RHOJ: variants seen among roughly 807,000 people sequenced by gnomAD.
The protein encoded by RHOJ is rho-related GTP-binding protein RhoJ.
In RHOJ, 11 loss-of-function variants were observed where a neutral mutation model predicts 23.4. That is an observed-to-expected ratio of 0.47 (90% confidence interval 0.30 to 0.78). The LOEUF (loss-of-function observed/expected upper bound fraction) is 0.78, where lower values mean the gene tolerates loss of function less well. RHOJ is among the 30% of genes least tolerant of loss of function. The pLI is 0.08. For synonymous variants in RHOJ, 102 were observed against 102.7 expected (o/e 0.99, Z 0.04); for missense variants, 254 against 273.4 (o/e 0.93, Z 0.50).
chr14:63,265,493 T>C (rs1460458616), intron 1 of RHOJ, among the ~76,000 whole-genome samples: 4 of 152,244 alleles, frequency 2.6e-5, no homozygotes, highest in Non-Finnish European at 4.4e-5. Flanking sequence ...TAGAATTGCT[T>C]TAGCTATTCA....
At position 63,291,172 on chromosome 14, in the gene RHOJ, C is replaced by T. The variant is rs1410545702; in HGVS notation, c.*148C>T. ...CCCATCACCCTCTGAGCCCTCCCAACACAGCACACTAGTCAGCCCACTGCC... is the reference window on the plus strand; with the variant it reads ...CCCATCACCCTCTGAGCCCTCCCAATACAGCACACTAGTCAGCCCACTGCC... On this transcript the variant is annotated 3_prime_UTR_variant, in exon 5 of 5. Coordinates refer to ENST00000316754, the MANE Select transcript of RHOJ (RefSeq NM_020663.5). 1 of 854,920 alleles carries T rather than the reference C, an allele frequency of 1.2e-6. No individual in the cohort carries two copies. The highest frequency in any genetic ancestry group is 2.6e-5 in the East Asian group (1 of 38,134). 53.0% of individuals were successfully genotyped at this position (854,920 alleles called of 1,614,324 possible). A position where few individuals can be genotyped will look rare whatever the true frequency, so the allele number is the denominator to read the frequency against.
In RHOJ at chr14:63,245,689, C is replaced by A. The variant is rs79334594; in HGVS notation, c.179-23421C>A. 6.6e-3 allele frequency among the ~76,000 whole-genome samples: 1,010 copies of A among 152,192 alleles called. 6 individuals are homozygous for A. Among genetic ancestry groups the A allele is most frequent in the Non-Finnish European group, 0.011 (719 of 67,996 alleles). Reference sequence around the variant, plus strand: ...AAAAAGGGGAGTGGAGGGGTTATAACTGTACAAATCTGATCTTAGACCAAT... The same window carrying A: ...AAAAAGGGGAGTGGAGGGGTTATAAATGTACAAATCTGATCTTAGACCAAT... On this transcript the variant is annotated intron_variant, in intron 1 of 4. Coordinates refer to ENST00000316754, the MANE Select transcript of RHOJ (RefSeq NM_020663.5).
intron 4 of RHOJ, among the ~76,000 whole-genome samples, chr14:63,285,803 C>CCAGGTGCTATGCT (rs1882064711): frequency 1.3e-5 from 2 of 152,170 alleles, no homozygotes; most frequent in Admixed American, 1.3e-4. Context: ...ATGCTGGATG[C>CCAGGTGCTATGCT]TACACTGTTT....
chr14:63,257,048 G>GGCAACAA (rs1239902177), intron 1 of RHOJ, among the ~76,000 whole-genome samples: 17 of 148,778 alleles, frequency 1.1e-4, no homozygotes, highest in Admixed American at 4.7e-4. Context: ...CTCCAGCCTG[G>GGCAACAA]GTGATAGAGC....
intron 1 of RHOJ, among the ~76,000 whole-genome samples, chr14:63,224,691 A>G (rs1342201890): frequency 1.3e-5 from 2 of 152,198 alleles, no homozygotes; most frequent in Non-Finnish European, 2.9e-5. Flanking sequence ...AATAATTAAT[A>G]AGCACAATGA....
At position 63,271,131 on chromosome 14, in the gene RHOJ, G is replaced by A. The variant is rs550274343; in HGVS notation, c.237+1963G>A. 1.6e-4 allele frequency among the ~76,000 whole-genome samples: 24 copies of A among 152,234 alleles called. No individual in the cohort carries two copies. In the East Asian group the frequency reaches 3.7e-3, roughly 23 times the overall value. On this transcript the variant is annotated intron_variant, in intron 2 of 4. Transcript: ENST00000316754. ...AAACCTCTGACACAAAAGCGATGAA[G>A]ACTGATAAAATATAACAAATAGATT...
intron 1 of RHOJ, among the ~76,000 whole-genome samples, chr14:63,231,652 A>T (rs1894697835): frequency 6.6e-6 from 1 of 152,202 alleles, no homozygotes; most frequent in South Asian, 2.1e-4. Flanking sequence ...ACTCTAAGCT[A>T]TTGTTTCTTC....
At chr14:63,276,964 G>A (rs1345809041) in intron 2 of RHOJ, among the ~76,000 whole-genome samples, 3 of 152,186 alleles carry the variant, frequency 2.0e-5, no homozygotes, top group African/African-American at 7.2e-5. Flanking sequence ...GTAATCTGAA[G>A]CAGATGCAGG....
rs377418631 is a variant in RHOJ, at chr14:63,271,688, G to A, written c.237+2520G>A. Among the ~76,000 whole-genome samples the A allele has an allele frequency of 1.0e-3, 158 of 152,318 alleles. 2 individuals are homozygous for A. The highest frequency in any genetic ancestry group is 8.9e-3 in the South Asian group (43 of 4,828). On this transcript the variant is annotated intron_variant, in intron 2 of 4. Coordinates refer to ENST00000316754, the MANE Select transcript of RHOJ (RefSeq NM_020663.5). Reference sequence around the variant, plus strand: ...TGGATCACTGCAACCTCCGCTTCCCGAGTTCAAGCAATTCTTCTGCCTCAT... The same window carrying A: ...TGGATCACTGCAACCTCCGCTTCCCAAGTTCAAGCAATTCTTCTGCCTCAT...
intron 1 of RHOJ, among the ~76,000 whole-genome samples, chr14:63,258,229 A>C (rs954510502): frequency 9.7e-6 from 1 of 103,390 alleles, no homozygotes; most frequent in African/African-American, 5.1e-5. Context: ...ACTCTGTCCC[A>C]AAAAAAAAAA....
chr14:63,254,055 G>A (rs1228547245), intron 1 of RHOJ, among the ~76,000 whole-genome samples: 2 of 152,134 alleles, frequency 1.3e-5, no homozygotes, highest in Non-Finnish European at 2.9e-5. Flanking sequence ...GGAGGTGGGG[G>A]TCAAGGTCTT....
intron 1 of RHOJ, among the ~76,000 whole-genome samples, chr14:63,253,754 C>A (rs1895113578): frequency 6.6e-6 from 1 of 152,216 alleles, no homozygotes. Context: ...CTGATCCTTG[C>A]AGCACAGTCT....
At chr14:63,227,959 A>G (rs1385772005) in intron 1 of RHOJ, among the ~76,000 whole-genome samples, 2 of 152,190 alleles carry the variant, frequency 1.3e-5, no homozygotes, top group African/African-American at 4.8e-5. Flanking sequence ...ACATCGGTAT[A>G]GGGTTTTGCT....
chr14:63,210,470 G>T (rs952212801), intron 1 of RHOJ, among the ~76,000 whole-genome samples: 2 of 152,148 alleles, frequency 1.3e-5, no homozygotes, highest in Non-Finnish European at 2.9e-5. Context: ...AGGTCTAAAG[G>T]GTAGGAGCAG....
At chr14:63,236,770 C>T (rs2139627751) in intron 1 of RHOJ, among the ~76,000 whole-genome samples, 1 of 152,026 alleles carries the variant, frequency 6.6e-6, no homozygotes, top group South Asian at 2.1e-4. Context: ...CACACACACA[C>T]ACACACACAC....
At chr14:63,226,738 C>T (rs1470682588) in intron 1 of RHOJ, among the ~76,000 whole-genome samples, 1 of 151,610 alleles carries the variant, frequency 6.6e-6, no homozygotes, top group African/African-American at 2.4e-5. Flanking sequence ...TGAATCTACA[C>T]CTTGGAAAAT....
chr14:63,230,177 C>CA (rs953171344), intron 1 of RHOJ, among the ~76,000 whole-genome samples: 4 of 142,986 alleles, frequency 2.8e-5, no homozygotes, highest in East Asian at 4.4e-4. Flanking sequence ...GACTGAACAA[C>CA]AAAAAACGTT....
In RHOJ at chr14:63,292,067, GT is replaced by G. The variant is rs1882268837; in HGVS notation, c.*1044del. On this transcript the variant is annotated 3_prime_UTR_variant, in exon 5 of 5. Transcript: ENST00000316754. ...AAGAAAGATCTGAGCATAAAGATAC[GT>G]GTTTAAAAATAACTAAAAGTAAAGG... The G allele has an allele frequency of 6.6e-6, 1 of 152,068 alleles. No individual in the cohort carries two copies. The highest frequency in any genetic ancestry group is 6.5e-5 in the Admixed American group (1 of 15,274). 9.4% of individuals were successfully genotyped at this position (152,068 alleles called of 1,614,324 possible).
chr14:63,279,955 T>A (rs1268498217), intron 2 of RHOJ, among the ~76,000 whole-genome samples: 1 of 152,182 alleles, frequency 6.6e-6, no homozygotes, highest in East Asian at 1.9e-4. Context: ...AATTCCAACA[T>A]GATGGAAGAA....
Sources: gnomAD v4.1 joint callset for allele counts (sites outside exome capture counted in the v4.1 genomes callset) on GRCh38, gnomAD v4.1.1 for gene constraint, MANE v1.5 for transcripts, NCBI Gene and HGNC (gene_info 2026-07-23, HGNC 2026-07-21) for gene names.